Variants in SCARA3 observed in about 807,000 individuals in gnomAD.
The protein encoded by SCARA3 is cellular stress response gene protein.
A neutral mutation model predicts 47.0 loss-of-function variants in SCARA3; 39 were observed. That is an observed-to-expected ratio of 0.83 (90% confidence interval 0.64 to 1.08). The LOEUF is 1.08. SCARA3 is among the 50% of genes least tolerant of loss of function. The probability of loss-of-function intolerance (pLI) is 0.00; values close to 1 mark genes in which losing one functional copy is unlikely to be tolerated. For synonymous variants in SCARA3, 356 were observed against 334.1 expected (o/e 1.07, Z -0.71); for missense variants, 724 against 792.3 (o/e 0.91, Z 1.04).
chr8:27,634,237 A>AG (rs1028165904), intron 1 of SCARA3, 30 bp downstream of exon 1: 14 of 1,338,884 alleles, frequency 1.0e-5, no homozygotes, highest in East Asian at 2.8e-5. Flanking sequence ...GGCAGCTCCG[A>AG]GGGGGGCCGC....
chr8:27,645,783 T>C (rs34604880), intron 1 of SCARA3, among the ~76,000 whole-genome samples: 4,390 of 152,280 alleles, frequency 0.029, 181 homozygotes, highest in African/African-American at 0.097. Flanking sequence ...CCATCTCTAT[T>C]AACCCTGCTT....
intron 2 of SCARA3, among the ~76,000 whole-genome samples, chr8:27,651,028 T>G (rs1222895532): frequency 6.6e-6 from 1 of 152,192 alleles, no homozygotes; most frequent in Non-Finnish European, 1.5e-5. Flanking sequence ...CCCGGCAGGC[T>G]TTCAGTTTTA....
chr8:27,715,862 AT>A, the SCARA3 span, among the ~76,000 whole-genome samples: 1 of 90,032 alleles, frequency 1.1e-5, no homozygotes, highest in Non-Finnish European at 2.3e-5. The surrounding 1 kb of genome is among the most constrained non-coding windows in gnomAD (Gnocchi z 4.2). Flanking sequence ...AGATAGATAG[AT>A]ACATAGATAG....
intron 1 of SCARA3, among the ~76,000 whole-genome samples, chr8:27,637,190 C>T (rs948840548): frequency 6.6e-6 from 1 of 152,250 alleles, no homozygotes; most frequent in African/African-American, 2.4e-5. Context: ...GCCATTTCCA[C>T]CCGAGGCCCC....
chr8:27,651,286 G>C (rs1801625574), intron 2 of SCARA3, among the ~76,000 whole-genome samples: 2 of 152,218 alleles, frequency 1.3e-5, no homozygotes, highest in Non-Finnish European at 2.9e-5. Flanking sequence ...GTAGTGCTGG[G>C]GGCTGTTCTT....
chr8:27,728,441 CCCG>C, the SCARA3 span, among the ~76,000 whole-genome samples: 3 of 152,330 alleles, frequency 2.0e-5, no homozygotes, highest in East Asian at 3.9e-4. Flanking sequence ...TGTAAGAGTG[CCCG>C]CCATGAAAGA....
In SCARA3 at chr8:27,646,978, C is replaced by CCT. The variant is rs1554537184; in HGVS notation, c.8-2723_8-2722insTC. On this transcript the variant is annotated intron_variant, in intron 1 of 5. Transcript: ENST00000301904. ...CGCACCCCTGACCGCCCCCGCCCCC[C>CCT]CCCCGCACACACACACTATTGCCCC... Among the ~76,000 whole-genome samples, 13 of 110,492 alleles carry CCT rather than the reference C, an allele frequency of 1.2e-4. 4 individuals carry two copies. The highest frequency in any genetic ancestry group is 2.2e-4 in the Non-Finnish European group (11 of 51,142). 72.5% of individuals were successfully genotyped at this position (110,492 alleles called of 152,430 possible). A position where few individuals can be genotyped will look rare whatever the true frequency, so the allele number is the denominator to read the frequency against.
At chr8:27,647,921 G>A (rs759992913) in intron 1 of SCARA3, among the ~76,000 whole-genome samples, 11 of 152,176 alleles carry the variant, frequency 7.2e-5, no homozygotes, top group South Asian at 4.1e-4. Context: ...CACAATGGCC[G>A]TGGCATGGCA....
chr8:27,640,266 C>T (rs754054938), intron 1 of SCARA3, among the ~76,000 whole-genome samples: 6 of 152,208 alleles, frequency 3.9e-5, no homozygotes, highest in Non-Finnish European at 7.3e-5. Flanking sequence ...ACGTGAACTC[C>T]TGCCCTGTAG....
the SCARA3 span, among the ~76,000 whole-genome samples, chr8:27,721,914 G>C: frequency 1.3e-5 from 2 of 151,944 alleles, no homozygotes; most frequent in Non-Finnish European, 2.9e-5. Flanking sequence ...AGATGCCGTC[G>C]CTACAAAAAA....
chr8:27,692,240 A>G, the SCARA3 span, among the ~76,000 whole-genome samples: 2 of 152,040 alleles, frequency 1.3e-5, no homozygotes, highest in African/African-American at 2.4e-5. Flanking sequence ...ACCAACATGG[A>G]GAAACCCCCG....
chr8:27,672,296 C>A lies in SCARA3; in HGVS notation c.*945C>A, dbSNP rs1437289576. On this transcript the variant is annotated 3_prime_UTR_variant, in exon 6 of 6. Transcript: ENST00000301904. The stretch of plus-strand genomic sequence containing the variant: ...AGGAGCAGCCTGGAAGGAATCCAAG[C>A]AGGAGTTTCATCTGCATGGGGGCAC... 1 of 985,378 alleles carries A rather than the reference C, an allele frequency of 1.0e-6. No homozygotes were observed. The highest frequency in any genetic ancestry group is 1.7e-5 in the African/African-American group (1 of 57,240). The allele number at this position is 985,378 out of a possible 1,614,324, so 61.0% of individuals were successfully genotyped here. A position where few individuals can be genotyped will look rare whatever the true frequency, so the allele number is the denominator to read the frequency against.
At chr8:27,702,479 C>G in the SCARA3 span, 3 of 152,246 alleles carry the variant, frequency 2.0e-5, no homozygotes, top group Non-Finnish European at 2.9e-5. Flanking sequence ...TCAGGTTTGC[C>G]AGGGCCTGGC....
chr8:27,670,902 GC>G lies in SCARA3; in HGVS notation c.1377del (p.Gly460AlafsTer14), dbSNP rs1217151891. 5.3e-6 allele frequency: 8 copies of G among 1,520,428 alleles called. No individual in the cohort carries two copies. Among genetic ancestry groups the G allele is most frequent in the East Asian group, 2.3e-5 (1 of 43,250 alleles). The allele number at this position is 1,520,428 out of a possible 1,614,324, so 94.2% of individuals were successfully genotyped here. ...ILRNVTILRG[A>X]PGPPGPRGFK... ...TCCCATCTTCTCTCCAACCTCAGGT[GC>G]CCCCGGCCCTCCAGGACCAAGAGGA... On this transcript the variant is annotated frameshift_variant, in exon 6 of 6. Coordinates refer to ENST00000301904, the MANE Select transcript of SCARA3 (RefSeq NM_016240.3). LOFTEE classifies it low-confidence loss of function (END_TRUNC).
rs2582375 is a variant in SCARA3 at position 27,660,834 on chromosome 8, C to A, written c.1369+1295C>A. Among the ~76,000 whole-genome samples, 199 of 46,436 alleles carry A rather than the reference C, an allele frequency of 4.3e-3. 1 individual carries two copies. Among genetic ancestry groups the A allele is most frequent in the Non-Finnish European group, 8.9e-3 (134 of 15,104 alleles). 30.5% of individuals were successfully genotyped at this position (46,436 alleles called of 152,430 possible). Reference sequence around the variant, plus strand: ...GAAAATAGATATAGATAGAAGATAGCTAGCTAGCTAGATAGATAGATAGAT... The same window carrying A: ...GAAAATAGATATAGATAGAAGATAGATAGCTAGCTAGATAGATAGATAGAT... On this transcript the variant is annotated intron_variant, in intron 5 of 5. Transcript: ENST00000301904.
At chr8:27,703,958 T>A in the SCARA3 span, among the ~76,000 whole-genome samples, 2 of 148,974 alleles carry the variant, frequency 1.3e-5, no homozygotes, top group South Asian at 4.2e-4. Flanking sequence ...ACATAAGGTG[T>A]TAAGCAGGAT....
Position 27,659,065 on chromosome 8 carries a change from G to GAC in SCARA3, c.896_897dup (p.Leu300ThrfsTer101). ...CAGCCAGAACTCAGAGAGCATGCAC[G>GAC]ACCTGGTACTCCAGGTCATGGGCTT... is the stretch of plus-strand genomic sequence containing the variant. On this transcript the variant is annotated frameshift_variant, in exon 5 of 6. Transcript: ENST00000301904. LOFTEE classifies it high-confidence loss of function. 1 of 1,614,048 alleles carries GAC rather than the reference G, an allele frequency of 6.2e-7. No homozygotes were observed. The highest frequency in any genetic ancestry group is 8.5e-7 in the Non-Finnish European group (1 of 1,180,018).
At chr8:27,673,257 G>A (rs1802209431), downstream of SCARA3, among the ~76,000 whole-genome samples, 1 of 152,248 alleles carries the variant, frequency 6.6e-6, no homozygotes, top group Non-Finnish European at 1.5e-5. Context: ...AATGCATCTT[G>A]CAGCCTGGCC....
chr8:27,634,003 C>G lies in SCARA3; in HGVS notation c.-198C>G, dbSNP rs1432686823. The G allele has an allele frequency of 3.2e-6, 1 of 311,008 alleles. No homozygotes were observed. The highest frequency in any genetic ancestry group is 5.7e-6 in the Non-Finnish European group (1 of 175,452). 19.3% of individuals were successfully genotyped at this position (311,008 alleles called of 1,614,324 possible). ...CGCCCGGCGGGGCTTCCCCAGGCTGCGACCCCGCGGGACCCTCCACTCCTC... is the reference window on the plus strand; with the variant it reads ...CGCCCGGCGGGGCTTCCCCAGGCTGGGACCCCGCGGGACCCTCCACTCCTC... On this transcript the variant is annotated 5_prime_UTR_variant, in exon 1 of 6. Transcript: ENST00000301904.
Sources: allele counts gnomAD v4.1 joint callset (sites outside exome capture counted in the v4.1 genomes callset), GRCh38; gene constraint gnomAD v4.1.1; non-coding constraint Gnocchi (gnomAD v3.1); transcripts MANE v1.5; gene names NCBI Gene and HGNC (gene_info 2026-07-23, HGNC 2026-07-21).